ACYP2: variants seen among roughly 807,000 people sequenced by gnomAD.
ACYP2 encodes acylphosphatase 2.
Under a neutral mutation model 11.2 loss-of-function variants are expected in ACYP2, and 12 were observed. The ratio of observed to expected loss-of-function variants is 1.08; its 90% CI spans 0.69 to 1.74. The LOEUF (loss-of-function observed/expected upper bound fraction) is 1.74, where lower values mean the gene tolerates loss of function less well. ACYP2 is among the 40% of genes most tolerant of loss of function. The probability of loss-of-function intolerance (pLI) is 0.00; values close to 1 mark genes in which losing one functional copy is unlikely to be tolerated. For missense variants in ACYP2, 134 were observed against 101.9 expected, an observed-to-expected ratio of 1.31 and a Z score of -1.35; for synonymous variants, 43 against 32.2, an observed-to-expected ratio of 1.33 and a Z score of -1.13.
chr2:54,180,229 G>A (rs1683647917), intron 6 of ACYP2, among the ~76,000 whole-genome samples: 1 of 152,024 alleles, frequency 6.6e-6, no homozygotes, highest in African/African-American at 2.4e-5. Context: ...TCCAAACCCT[G>A]TTTATTTATT....
intron 2 of ACYP2, among the ~76,000 whole-genome samples, chr2:53,990,645 G>A (rs1458088817): frequency 1.7e-5 from 2 of 119,962 alleles, no homozygotes; most frequent in Non-Finnish European, 3.3e-5. Flanking sequence ...GCAAAACTCC[G>A]TCTTACCAAA....
intron 6 of ACYP2, among the ~76,000 whole-genome samples, chr2:54,193,178 A>G (rs145672686): frequency 2.0e-5 from 3 of 152,336 alleles, no homozygotes; most frequent in Admixed American, 6.5e-5. Context: ...GTCCTTTTAA[A>G]GAGGAAAAGA....
intron 2 of ACYP2, among the ~76,000 whole-genome samples, chr2:54,002,831 A>G (rs536927613): frequency 6.7e-6 from 1 of 148,260 alleles, no homozygotes; most frequent in East Asian, 2.0e-4. Context: ...TAGTATTTTT[A>G]GTAGAGACGG....
chr2:54,234,172 C>A (rs1182113123), intron 6 of ACYP2, among the ~76,000 whole-genome samples: 1 of 152,090 alleles, frequency 6.6e-6, no homozygotes, highest in East Asian at 1.9e-4. Flanking sequence ...GAGAAGGACC[C>A]CCTGTTGAAG....
chr2:54,000,370 C>T (rs905484670), intron 2 of ACYP2, among the ~76,000 whole-genome samples: 7 of 152,088 alleles, frequency 4.6e-5, no homozygotes, highest in Non-Finnish European at 7.4e-5. Context: ...TTAGCTTTAC[C>T]AAGGTAGTTG....
intron 2 of ACYP2, among the ~76,000 whole-genome samples, chr2:54,001,404 T>G (rs770546303): frequency 4.6e-5 from 7 of 152,206 alleles, no homozygotes; most frequent in East Asian, 1.9e-4. Context: ...ATGTATTTTT[T>G]ATTTTTGAGA....
chr2:54,117,507 A>G (rs1679878216), intron 4 of ACYP2, among the ~76,000 whole-genome samples: 1 of 152,132 alleles, frequency 6.6e-6, no homozygotes, highest in Non-Finnish European at 1.5e-5. Context: ...TGCCCAGGCA[A>G]GTCTCGAAAT....
At chr2:54,083,010 A>C (rs1330308823) in intron 4 of ACYP2, among the ~76,000 whole-genome samples, 1 of 151,622 alleles carries the variant, frequency 6.6e-6, no homozygotes, top group Non-Finnish European at 1.5e-5. Flanking sequence ...GGAGGCAGTG[A>C]TTGTAGTGAG....
intron 6 of ACYP2, among the ~76,000 whole-genome samples, chr2:54,194,186 T>C (rs1403749046): frequency 1.3e-5 from 2 of 152,080 alleles, no homozygotes. Flanking sequence ...ACCACAGGGG[T>C]GTGCCACCGC....
intron 4 of ACYP2, among the ~76,000 whole-genome samples, chr2:54,075,115 G>C (rs1248658851): frequency 6.6e-6 from 1 of 152,150 alleles, no homozygotes; most frequent in East Asian, 1.9e-4. Context: ...TCTAAATATA[G>C]TAGCTATTCA....
intron 4 of ACYP2, chr2:54,115,631 T>G: frequency 6.4e-7 from 1 of 1,572,922 alleles, no homozygotes. Context: ...CCCCTCCCTC[T>G]CGCAGCCGCC....
chr2:54,137,359 T>A (rs959422408), intron 5 of ACYP2, among the ~76,000 whole-genome samples: 2 of 152,178 alleles, frequency 1.3e-5, no homozygotes, highest in African/African-American at 4.8e-5. Flanking sequence ...GGGTTTATTA[T>A]ACAGAGTATT....
intron 2 of ACYP2, among the ~76,000 whole-genome samples, chr2:53,993,461 G>A (rs950802374): frequency 2.6e-5 from 4 of 151,928 alleles, no homozygotes; most frequent in East Asian, 1.9e-4. Context: ...TAATCCCAGC[G>A]CTCTGGTGGG....
At chr2:54,193,164 A>G (rs1558601658) in intron 6 of ACYP2, among the ~76,000 whole-genome samples, 1 of 152,208 alleles carries the variant, frequency 6.6e-6, no homozygotes, top group Non-Finnish European at 1.5e-5. Flanking sequence ...TTGAAGTGTT[A>G]ACTGTCCTTT....
intron 2 of ACYP2, among the ~76,000 whole-genome samples, chr2:54,010,355 G>A (rs1253348917): frequency 2.0e-5 from 3 of 152,018 alleles, no homozygotes; most frequent in East Asian, 1.9e-4. Flanking sequence ...GTGGTGGTGG[G>A]CACCTGTAAT....
intron 2 of ACYP2, among the ~76,000 whole-genome samples, chr2:53,987,274 T>C (rs897207959): frequency 2.6e-5 from 4 of 152,070 alleles, no homozygotes; most frequent in African/African-American, 9.7e-5. Flanking sequence ...GGGTGGTTAG[T>C]ATGTTAAAAT....
At chr2:54,177,576 A>ATTT (rs370517956) in intron 6 of ACYP2, among the ~76,000 whole-genome samples, 9,379 of 130,678 alleles carry the variant, frequency 0.072, 1,150 homozygotes, top group African/African-American at 0.24. Context: ...GATACCTACT[A>ATTT]TTTTTTTTTT....
At chr2:53,987,497 C>T (rs1051747073) in intron 2 of ACYP2, among the ~76,000 whole-genome samples, 2 of 152,046 alleles carry the variant, frequency 1.3e-5, no homozygotes, top group South Asian at 4.2e-4. Flanking sequence ...GGATAAATGC[C>T]CAGGGGTGCA....
intron 6 of ACYP2, among the ~76,000 whole-genome samples, chr2:54,269,962 G>A (rs1688209856): frequency 6.6e-6 from 1 of 152,046 alleles, no homozygotes; most frequent in Non-Finnish European, 1.5e-5. Flanking sequence ...TGGGTATTTT[G>A]TTTCCAGTTT....
Sources: allele counts gnomAD v4.1 joint callset (sites outside exome capture counted in the v4.1 genomes callset), GRCh38; gene constraint gnomAD v4.1.1; transcripts MANE v1.5; gene names NCBI Gene and HGNC (gene_info 2026-07-23, HGNC 2026-07-21).